TTN: variants seen among roughly 807,000 people sequenced by gnomAD.
TTN encodes the protein connectin.
In TTN, 1,525 loss-of-function variants were observed where a neutral mutation model predicts 3,223.0. That is an observed-to-expected ratio of 0.47 (90% confidence interval 0.45 to 0.49). The LOEUF is 0.49. TTN is among the 20% of genes least tolerant of loss of function. The pLI is 0.00. For synonymous variants in TTN, 14,094 were observed against 15,161.0 expected (o/e 0.93, Z 5.17); for missense variants, 40,786 against 43,424.0 (o/e 0.94, Z 5.40).
Position 178,582,964 on chromosome 2 carries a change from C to G in TTN, c.65839G>C (p.Ala21947Pro), listed in dbSNP as rs1434065340. Residue 21947 changes from alanine (A) to proline (P), a missense_variant, in exon 313 of 363, where the codon GCC becomes CCC. Coordinates refer to ENST00000589042, the MANE Select transcript of TTN (RefSeq NM_001267550.2). The part of the protein sequence containing the change: ...TAENSSGSKS[A>P]TIKLKVLDKP... ...CCTAACACTTTAAGCTTAATGGTGG[C>G]TGATTTAGAACCACTTGAATTTTCA... 6.5e-7 allele frequency: 1 copy of G among 1,534,610 alleles called. No homozygotes were observed.
intron 214 of TTN, 31 bp downstream of exon 214, chr2:178,647,350 T>C: frequency 6.5e-7 from 1 of 1,546,326 alleles, no homozygotes. Context: ...ACAATTGTCA[T>C]CTTTCCAAGA....
At chr2:178,750,106 C>T (rs1251969010) in intron 47 of TTN, 18 of 1,613,118 alleles carry the variant, frequency 1.1e-5, no homozygotes, top group Non-Finnish European at 1.5e-5. Flanking sequence ...GAAAGGAAAG[C>T]AATTCTGTGT....
chr2:178,692,576 A>G lies in TTN; in HGVS notation c.31599T>C (p.Pro10533=), dbSNP rs994535522. The G allele has an allele frequency of 1.7e-5, 26 of 1,533,398 alleles. No homozygotes were observed. The highest frequency in any genetic ancestry group is 2.3e-5 in the Non-Finnish European group (26 of 1,144,940). The allele number at this position is 1,533,398 out of a possible 1,614,324, so 95.0% of individuals were successfully genotyped here. A position where few individuals can be genotyped will look rare whatever the true frequency, so the allele number is the denominator to read the frequency against. Residue 10533 remains proline, a synonymous_variant, in exon 120 of 363, where the codon CCT becomes CCC. Coordinates refer to ENST00000589042, the MANE Select transcript of TTN (RefSeq NM_001267550.2). The part of the protein sequence containing the change: ...SKRVEPPPKV[P]ELPEKPAPEE... ...CTGGAGCTGGTTTCTCAGGTAGCTC[A>G]GGGACTTTAAAAGAAAAGTGCCATT...
At chr2:178,609,628 A>C (rs982674581) in intron 272 of TTN, 56 bp downstream of exon 272, 3 of 1,552,150 alleles carry the variant, frequency 1.9e-6, no homozygotes, top group Non-Finnish European at 2.6e-6. Context: ...CTGACAAAAC[A>C]TTATTTTCAT....
rs1166030692 is a variant in TTN, at chr2:178,733,506, T to G, written c.15787A>C (p.Ile5263Leu). Residue 5263 changes from isoleucine to leucine, a missense_variant, in exon 54 of 363, where the codon ATC becomes CTC. Coordinates refer to ENST00000589042, the MANE Select transcript of TTN (RefSeq NM_001267550.2). ...TGGATCAGTTCTGCTCGCTCAATGA[T>G]TTTGGCAGGTTCTACAATGGTATGA... is the stretch of plus-strand genomic sequence containing the variant. ...GELIVKEPAK[I>L]IERAELIQVT... The G allele has an allele frequency of 6.2e-7, 1 of 1,610,164 alleles. No individual in the cohort carries two copies. The highest frequency in any genetic ancestry group is 2.2e-5 in the East Asian group (1 of 44,806).
chr2:178,546,790 C>T lies in TTN; in HGVS notation c.94638G>A (p.Lys31546=). ...SKVVGYIIER[K]PVSEVGDGRW... is the part of the protein sequence containing the mutation. The stretch of plus-strand genomic sequence containing the variant: ...GACCATCTCCTACCTCACTGACTGG[C>T]TTACGCTCTATGATGTAGCCCACAA... The change falls in exon 341 of 363, where the codon AAG becomes AAA. Residue 31546 remains lysine (K), a synonymous_variant. Coordinates refer to ENST00000589042, the MANE Select transcript of TTN (RefSeq NM_001267550.2). 1 of 1,613,732 alleles carries T rather than the reference C, an allele frequency of 6.2e-7. No individual in the cohort carries two copies. Among genetic ancestry groups the T allele is most frequent in the East Asian group, 2.2e-5 (1 of 44,846 alleles).
At position 178,538,017 on chromosome 2, in the gene TTN, A is replaced by T. The variant is rs554031632; in HGVS notation, c.99290-100T>A. On this transcript the variant is annotated intron_variant, in intron 354 of 362. Transcript: ENST00000589042. ...ATGAATTTACCTTATTTACTGACAC[A>T]TACCATGATTTACATATTAGCCTAA... The T allele has an allele frequency of 8.8e-5, 96 of 1,095,976 alleles. No homozygotes were observed. The East Asian group carries it at 2.5e-3, about 28-fold the overall frequency. The allele number at this position is 1,095,976 out of a possible 1,614,324, so 67.9% of individuals were successfully genotyped here. A position where few individuals can be genotyped will look rare whatever the true frequency, so the allele number is the denominator to read the frequency against.
Position 178,565,794 on chromosome 2 carries a change from G to T in TTN, c.80338C>A (p.Pro26780Thr), listed in dbSNP as rs775149188. The change falls in exon 326 of 363, where the codon CCT becomes ACT. Residue 26780 changes from proline (P) to threonine (T), a missense_variant. Pro to Thr is a conservative substitution (Grantham distance 38). Transcript: ENST00000589042. ...GTAACCTTTCCTGGTGGGGAAGGAGGTTCAGCAGCTTTCACGGCATCAACA... is the reference window on the plus strand; with the variant it reads ...GTAACCTTTCCTGGTGGGGAAGGAGTTTCAGCAGCTTTCACGGCATCAACA... ...ETVDAVKAAE[P>T]PSPPGKVTLT... The T allele has an allele frequency of 3.7e-6, 6 of 1,613,582 alleles. No homozygotes were observed. The highest frequency in any genetic ancestry group is 5.1e-6 in the Non-Finnish European group (6 of 1,179,654).
rs1699366231 is a variant in TTN at position 178,551,372 on chromosome 2, TATA to T, written c.91271-115_91271-113del. ...AATTTTAATAAATAAGTAAAATTTT[TATA>T]ATAAGTAATTTATTCAATCTCCCAA... On this transcript the variant is annotated intron_variant, in intron 335 of 362. Coordinates refer to ENST00000589042, the MANE Select transcript of TTN (RefSeq NM_001267550.2). 2.1e-5 allele frequency: 18 copies of T among 840,010 alleles called. No homozygotes were observed. In the Admixed American group the frequency reaches 2.8e-4, roughly 13 times the overall value. 52.0% of individuals were successfully genotyped at this position (840,010 alleles called of 1,614,324 possible).
At chr2:178,678,896 AATGTAAG>A in intron 142 of TTN, 66 bp from the exon 143 acceptor site, 1 of 1,303,864 alleles carries the variant, frequency 7.7e-7, no homozygotes, top group Non-Finnish European at 1.1e-6. Context: ...TAAGGCTGGC[AATGTAAG>A]GCCTTAACTG....
Position 178,684,780 on chromosome 2 carries a change from A to G in TTN, c.32555-31T>C, listed in dbSNP as rs765538014. On this transcript the variant is annotated intron_variant, in intron 130 of 362. Coordinates refer to ENST00000589042, the MANE Select transcript of TTN (RefSeq NM_001267550.2). ...AAGATACCAGGCAATACCATCAAACATACGATATGGAAAACACTAAACACA... is the reference window on the plus strand; with the variant it reads ...AAGATACCAGGCAATACCATCAAACGTACGATATGGAAAACACTAAACACA... The G allele has an allele frequency of 1.6e-5, 25 of 1,599,992 alleles. No homozygotes were observed. In the South Asian group the frequency reaches 2.4e-4, roughly 15 times the overall value.
At position 178,728,767 on chromosome 2, in the gene TTN, T is replaced by A; in HGVS notation, c.19159A>T (p.Ile6387Phe). The A allele has an allele frequency of 6.3e-7, 1 of 1,599,646 alleles. No homozygotes were observed. Among genetic ancestry groups the A allele is most frequent in the East Asian group, 2.2e-5 (1 of 44,488 alleles). The change falls in exon 66 of 363, where the codon ATC becomes TTC. Residue 6387 changes from isoleucine to phenylalanine, a missense_variant. Ile to Phe is a conservative substitution (Grantham distance 21). Coordinates refer to ENST00000589042, the MANE Select transcript of TTN (RefSeq NM_001267550.2). ...AFLLVQEPAQ[I>F]VEKAKSVDVT... ...TCAACTGATTTAGCTTTCTCTACGA[T>A]TTGAGCTGGTTCTGTAGTAAAAATG...
intron 45 of TTN, among the ~76,000 whole-genome samples, chr2:178,757,195 T>G: frequency 6.6e-6 from 1 of 152,124 alleles, no homozygotes; most frequent in South Asian, 2.1e-4. Flanking sequence ...GTACAGTAAG[T>G]AATACTGTAC....
rs146219199 is a variant in TTN, at chr2:178,729,340, A to G, written c.18816T>C (p.Ile6272=). The change falls in exon 64 of 363, where the codon ATT becomes ATC. Residue 6272 remains isoleucine (I), a synonymous_variant. Transcript: ENST00000589042. ...DPSDTGEYQC[I]VSNEGGSCSC... is the part of the protein sequence containing the mutation. Reference sequence around the variant, plus strand: ...AGCAGCTGCCGCCTTCATTGGATACAATGCACTGGTATTCCCCAGTGTCTG... The same window carrying G: ...AGCAGCTGCCGCCTTCATTGGATACGATGCACTGGTATTCCCCAGTGTCTG... 2.5e-4 allele frequency: 396 copies of G among 1,613,394 alleles called. 4 individuals carry two copies. In the East Asian group the frequency reaches 3.3e-3, roughly 13 times the overall value.
Position 178,571,409 on chromosome 2 carries a change from A to G in TTN, c.74723T>C (p.Val24908Ala), listed in dbSNP as rs1185511652. 1.9e-6 allele frequency: 3 copies of G among 1,613,268 alleles called. No individual in the cohort carries two copies. The highest frequency in any genetic ancestry group is 2.5e-6 in the Non-Finnish European group (3 of 1,179,566). ...AACTGGAGTGCCAGGAGGACCAGGA[A>G]CTTTGAATGGATATTGGGCTACAGT... Reference protein sequence around the residue: ...EPTVAQYPFKVPGPPGTPVVT... With the variant: ...EPTVAQYPFKAPGPPGTPVVT... The change falls in exon 326 of 363, where the codon GTT becomes GCT. Residue 24908 changes from valine (V) to alanine (A), a missense_variant. Coordinates refer to ENST00000589042, the MANE Select transcript of TTN (RefSeq NM_001267550.2).
intron 48 of TTN, 56 bp downstream of exon 48, chr2:178,739,085 A>G: frequency 6.8e-7 from 1 of 1,469,994 alleles, no homozygotes; most frequent in Non-Finnish European, 9.0e-7. Flanking sequence ...TGCAAGCTAA[A>G]TCATTACAAT....
Position 178,738,084 on chromosome 2 carries a change from G to A in TTN, c.14369C>T (p.Thr4790Ile). ...CTGTGCCAATGTATGGCATTTACCT[G>A]TCACAGTTAGTGTGGCTGTACAGCT... ...SVSCTATLTV[T>I]EAYPPTFLSR... Residue 4790 changes from threonine to isoleucine, a missense_variant and splice_region_variant, in exon 49 of 363, where the codon ACA becomes ATA. By Grantham distance (89) the Thr-to-Ile change is moderately conservative. Coordinates refer to ENST00000589042, the MANE Select transcript of TTN (RefSeq NM_001267550.2). The A allele has an allele frequency of 1.2e-6, 2 of 1,611,866 alleles. No individual in the cohort carries two copies. Among genetic ancestry groups the A allele is most frequent in the Non-Finnish European group, 1.7e-6 (2 of 1,178,266 alleles).
In TTN at chr2:178,711,265, A is replaced by G. The variant is rs761548797; in HGVS notation, c.27971T>C (p.Ile9324Thr). Reference protein sequence around the residue: ...VGLPVVFDCAISGSEPISVSW... With the variant: ...VGLPVVFDCATSGSEPISVSW... ...CACGGAGATAGGTTCTGATCCACTTATGGCACAATCAAAAACAACTGGCAG... is the reference window on the plus strand; with the variant it reads ...CACGGAGATAGGTTCTGATCCACTTGTGGCACAATCAAAAACAACTGGCAG... The change falls in exon 97 of 363, where the codon ATA becomes ACA. Residue 9324 changes from isoleucine to threonine, a missense_variant. By Grantham distance (89) the Ile-to-Thr change is moderately conservative. Coordinates refer to ENST00000589042, the MANE Select transcript of TTN (RefSeq NM_001267550.2). 6.2e-7 allele frequency: 1 copy of G among 1,613,820 alleles called. No homozygotes were observed. The highest frequency in any genetic ancestry group is 8.5e-7 in the Non-Finnish European group (1 of 1,179,776).
At chr2:178,720,700 G>C (rs766022492) in intron 79 of TTN, 37 bp from the exon 80 acceptor site, 34 of 1,528,902 alleles carry the variant, frequency 2.2e-5, no homozygotes, top group Non-Finnish European at 2.8e-5. Context: ...GAGAACACTT[G>C]CTTACTATAA....
Sources: gnomAD v4.1 joint callset for allele counts (sites outside exome capture counted in the v4.1 genomes callset) on GRCh38, gnomAD v4.1.1 for gene constraint, MANE v1.5 for transcripts, NCBI Gene and HGNC (gene_info 2026-07-23, HGNC 2026-07-21) for gene names.